Variants in COL23A1 observed in about 807,000 individuals in gnomAD.
The protein encoded by COL23A1 is collagen alpha-1(XXIII) chain.
In COL23A1, 97 loss-of-function variants were observed where a neutral mutation model predicts 99.3. The observed-to-expected ratio is 0.98, with a 90% CI of 0.83 to 1.16. The LOEUF is 1.16. COL23A1 is among the 50% of genes most tolerant of loss of function. The pLI is 0.00. For missense variants in COL23A1, 762 were observed against 757.4 expected (o/e 1.01, Z -0.07); for synonymous variants, 320 against 308.2 (o/e 1.04, Z -0.40).
At chr5:178,458,275 G>C (rs942277613) in intron 2 of COL23A1, among the ~76,000 whole-genome samples, 6 of 147,954 alleles carry the variant, frequency 4.1e-5, no homozygotes, top group African/African-American at 1.3e-4. Context: ...CTGTACCACA[G>C]GGTAGCTGAA....
chr5:178,498,216 A>G (rs1361745842), intron 2 of COL23A1, among the ~76,000 whole-genome samples: 6 of 35,442 alleles, frequency 1.7e-4, no homozygotes, highest in Non-Finnish European at 2.6e-4. Context: ...ATATATATAT[A>G]TATATATATA....
chr5:178,548,418 CA>C (rs1045904093), intron 2 of COL23A1, among the ~76,000 whole-genome samples: 2 of 152,082 alleles, frequency 1.3e-5, no homozygotes, highest in African/African-American at 4.8e-5. Flanking sequence ...AGTGAGTTCC[CA>C]ACTCAAAAAT....
At chr5:178,500,279 T>C (rs112990394) in intron 2 of COL23A1, among the ~76,000 whole-genome samples, 9 of 151,994 alleles carry the variant, frequency 5.9e-5, no homozygotes, top group Admixed American at 3.9e-4. Context: ...TATATTTCAA[T>C]GAGACTGTTT....
chr5:178,333,468 CT>C (rs1408564967), intron 2 of COL23A1, among the ~76,000 whole-genome samples: 1 of 152,136 alleles, frequency 6.6e-6, no homozygotes, highest in Non-Finnish European at 1.5e-5. Context: ...ATCTCTGTCC[CT>C]TATCCAGGCT....
chr5:178,421,907 A>T (rs1765652174), intron 2 of COL23A1, among the ~76,000 whole-genome samples: 1 of 151,998 alleles, frequency 6.6e-6, no homozygotes, highest in Non-Finnish European at 1.5e-5. Context: ...CCAAACAGGC[A>T]AAAGGTGCTT....
Position 178,257,007 on chromosome 5 carries a change from G to C in COL23A1, c.775-79C>G, listed in dbSNP as rs79465319. 8.6e-4 allele frequency: 1,195 copies of C among 1,385,268 alleles called. 9 individuals carry two copies. In the African/African-American group the frequency reaches 0.015, roughly 18 times the overall value. The allele number at this position is 1,385,268 out of a possible 1,614,324, so 85.8% of individuals were successfully genotyped here. On this transcript the variant is annotated intron_variant, in intron 13 of 28. Transcript: ENST00000390654. ...GCCTTGGAGGGGGGCGTGCCTCGGG[G>C]TTGCCTGAAGCCTCGCGATTAGGCC... is the stretch of plus-strand genomic sequence containing the variant.
intron 2 of COL23A1, among the ~76,000 whole-genome samples, chr5:178,357,422 A>G (rs1761720055): frequency 6.6e-6 from 1 of 152,210 alleles, no homozygotes. Context: ...TCACAATGAA[A>G]TCAGGCCGGG....
At chr5:178,273,057 C>G (rs776881674) in intron 5 of COL23A1, among the ~76,000 whole-genome samples, 1 of 152,214 alleles carries the variant, frequency 6.6e-6, no homozygotes, top group African/African-American at 2.4e-5. Flanking sequence ...AGGCCCGTGC[C>G]GCGGTGCTGT....
At chr5:178,583,632 G>A (rs1203946724) in intron 1 of COL23A1, among the ~76,000 whole-genome samples, 3 of 152,176 alleles carry the variant, frequency 2.0e-5, no homozygotes, top group African/African-American at 4.8e-5. Flanking sequence ...GTCCATCAGA[G>A]GGAATTAGGG....
intron 2 of COL23A1, among the ~76,000 whole-genome samples, chr5:178,465,497 G>A (rs1756368309): frequency 6.6e-6 from 1 of 152,146 alleles, no homozygotes; most frequent in African/African-American, 2.4e-5. Context: ...CTCTGACATG[G>A]GCCTCCGAGC....
chr5:178,443,655 A>C (rs1238372399), intron 2 of COL23A1, among the ~76,000 whole-genome samples: 1 of 148,710 alleles, frequency 6.7e-6, no homozygotes, highest in Non-Finnish European at 1.5e-5. Context: ...ACGGGGTTTC[A>C]CCATGTTGGC....
intron 16 of COL23A1, among the ~76,000 whole-genome samples, chr5:178,253,771 G>A (rs1765161318): frequency 6.6e-6 from 1 of 151,966 alleles, no homozygotes; most frequent in Non-Finnish European, 1.5e-5. Context: ...GGGAGCCGCC[G>A]CGCCCGGCCG....
At chr5:178,328,102 C>A (rs1273230160) in intron 2 of COL23A1, among the ~76,000 whole-genome samples, 1 of 152,124 alleles carries the variant, frequency 6.6e-6, no homozygotes, top group African/African-American at 2.4e-5. Context: ...GCTGGCAGAC[C>A]CAGCCTCCCT....
At position 178,365,214 on chromosome 5, in the gene COL23A1, A is replaced by C. The variant is rs1762404612; in HGVS notation, c.362-58295T>G. Among the ~76,000 whole-genome samples, 1 of 151,836 alleles carries C rather than the reference A, an allele frequency of 6.6e-6. No individual in the cohort carries two copies. Among genetic ancestry groups the C allele is most frequent in the Admixed American group, 6.6e-5 (1 of 15,240 alleles). ...TTTTCCTGGGACTCCATCCAGGAAC[A>C]TTAGATATGGGGTCCAGCCCCAGCG... On this transcript the variant is annotated intron_variant, in intron 2 of 28. Coordinates refer to ENST00000390654, the MANE Select transcript of COL23A1 (RefSeq NM_173465.4). This position sits in a 1 kb window ranked among gnomAD's most constrained non-coding sequence, Gnocchi z 5.2.
chr5:178,250,648 A>T (rs1488042882), intron 17 of COL23A1, among the ~76,000 whole-genome samples: 1 of 151,512 alleles, frequency 6.6e-6, no homozygotes, highest in Non-Finnish European at 1.5e-5. Flanking sequence ...TGACTCTAAA[A>T]CAAGTTTTAA....
intron 2 of COL23A1, among the ~76,000 whole-genome samples, chr5:178,471,130 A>T (rs1479688087): frequency 2.0e-5 from 3 of 152,254 alleles, no homozygotes; most frequent in Non-Finnish European, 4.4e-5. Context: ...GCTAATTTGC[A>T]GAGCAGTTAA....
At position 178,384,721 on chromosome 5, in the gene COL23A1, C is replaced by T. The variant is rs4331921; in HGVS notation, c.362-77802G>A. On this transcript the variant is annotated intron_variant, in intron 2 of 28. Transcript: ENST00000390654. This position sits in a 1 kb window ranked among gnomAD's most constrained non-coding sequence, Gnocchi z 5.5. Reference sequence around the variant, plus strand: ...GGGCCTCACCCACTGAATCAGAGTGCGCGCTCACAGGGTGCACATATAACA... The same window carrying T: ...GGGCCTCACCCACTGAATCAGAGTGTGCGCTCACAGGGTGCACATATAACA... 1.1e-4 allele frequency among the ~76,000 whole-genome samples: 17 copies of T among 152,292 alleles called. No homozygotes were observed. The highest frequency in any genetic ancestry group is 2.1e-4 in the South Asian group (1 of 4,832).
chr5:178,250,907 G>C (rs572059914), intron 17 of COL23A1, among the ~76,000 whole-genome samples: 5 of 149,586 alleles, frequency 3.3e-5, no homozygotes, highest in African/African-American at 1.2e-4. Flanking sequence ...CTTGAACCCG[G>C]GAGACAGGTT....
rs553625978 is a variant in COL23A1, at chr5:178,560,914, T to A, written c.295-166A>T. Among the ~76,000 whole-genome samples the A allele has an allele frequency of 2.6e-5, 4 of 152,272 alleles. No homozygotes were observed. In the South Asian group the frequency reaches 8.3e-4, roughly 32 times the overall value. ...AAAGATCCTTAAACTCTACAGGGAA[T>A]TTTAGAATGAGGAAAAACAAACACA... On this transcript the variant is annotated intron_variant, in intron 1 of 28. Coordinates refer to ENST00000390654, the MANE Select transcript of COL23A1 (RefSeq NM_173465.4).
Sources: gnomAD v4.1 joint callset for allele counts (sites outside exome capture counted in the v4.1 genomes callset) on GRCh38, gnomAD v4.1.1 for gene constraint, Gnocchi (gnomAD v3.1) non-coding constraint, MANE v1.5 for transcripts, NCBI Gene and HGNC (gene_info 2026-07-23, HGNC 2026-07-21) for gene names.